Variants in FBXO25 observed in about 807,000 individuals in gnomAD.
FBXO25 encodes the protein F-box only protein 25.
In FBXO25, 45 loss-of-function variants were observed where a neutral mutation model predicts 51.9. The ratio of observed to expected loss-of-function variants is 0.87; its 90% confidence interval spans 0.68 to 1.11. FBXO25 has a LOEUF of 1.11. FBXO25 is among the 50% of genes most tolerant of loss of function. FBXO25 has a pLI of 0.00. For missense variants in FBXO25, 507 were observed against 428.5 expected (o/e 1.18, Z -1.62); for synonymous variants, 199 against 151.0 (o/e 1.32, Z -2.33).
intron 2 of FBXO25, among the ~76,000 whole-genome samples, chr8:423,898 A>T (rs1797309661): frequency 6.6e-6 from 1 of 152,232 alleles, no homozygotes; most frequent in Non-Finnish European, 1.5e-5. Context: ...GGACTGATTT[A>T]CATTCCCGTC....
chr8:414,688 C>T (rs928466427), intron 2 of FBXO25, among the ~76,000 whole-genome samples: 1 of 152,172 alleles, frequency 6.6e-6, no homozygotes, highest in Non-Finnish European at 1.5e-5. Context: ...GTCTCCCTTT[C>T]CCCTTCGCCC....
chr8:436,832 C>T (rs1183704026), intron 5 of FBXO25, among the ~76,000 whole-genome samples: 2 of 152,150 alleles, frequency 1.3e-5, no homozygotes, highest in African/African-American at 4.8e-5. Context: ...AGTAGCAATT[C>T]TTGACCATCT....
chr8:444,433 GA>G (rs550669852), intron 5 of FBXO25, among the ~76,000 whole-genome samples: 174 of 152,226 alleles, frequency 1.1e-3, no homozygotes, highest in Admixed American at 2.4e-3. Flanking sequence ...AACTTTATTG[GA>G]TTCTAGTTTT....
At chr8:441,837 A>G (rs528875393) in intron 5 of FBXO25, among the ~76,000 whole-genome samples, 4 of 152,238 alleles carry the variant, frequency 2.6e-5, no homozygotes, top group Non-Finnish European at 4.4e-5. Flanking sequence ...TAGGATGGCT[A>G]TCATTAAAAA....
chr8:447,071 C>T (rs1245989395), intron 5 of FBXO25, among the ~76,000 whole-genome samples: 1 of 152,226 alleles, frequency 6.6e-6, no homozygotes, highest in Non-Finnish European at 1.5e-5. Context: ...AACAAAAGCA[C>T]TCGTCAGGGC....
intron 5 of FBXO25, among the ~76,000 whole-genome samples, chr8:446,759 T>G (rs185003084): frequency 6.6e-6 from 1 of 152,218 alleles, no homozygotes; most frequent in African/African-American, 2.4e-5. Context: ...TGTGTTTTAG[T>G]GTAAGATATT....
intron 6 of FBXO25, 160 bp from the exon 7 acceptor site, chr8:451,109 T>G (rs1027751590): frequency 8.4e-6 from 5 of 595,194 alleles, no homozygotes; most frequent in African/African-American, 3.8e-5. Context: ...GTGTGAGAAT[T>G]TCCCTCCTTT....
At position 418,333 on chromosome 8, in the gene FBXO25, C is replaced by CTTTTTTTTTTTTTTTTTTTTTTTTT. The variant is rs1207244013; in HGVS notation, c.134+5144_134+5145insTTTTTTTTTTTTTTTTTTTTTTTTT. Among the ~76,000 whole-genome samples the CTTTTTTTTTTTTTTTTTTTTTTTTT allele has an allele frequency of 9.5e-4, 69 of 72,334 alleles. 1 individual carries two copies. Among genetic ancestry groups the CTTTTTTTTTTTTTTTTTTTTTTTTT allele is most frequent in the Non-Finnish European group, 1.2e-3 (48 of 39,942 alleles). The allele number at this position is 72,334 out of a possible 152,430, so 47.5% of individuals were successfully genotyped here. A position where few individuals can be genotyped will look rare whatever the true frequency, so the allele number is the denominator to read the frequency against. On this transcript the variant is annotated intron_variant, in intron 2 of 9. Coordinates refer to ENST00000350302, the MANE Select transcript of FBXO25 (RefSeq NM_183420.2). ...CCTTTCTTTTGTTCGTTTGTTTGTT[C>CTTTTTTTTTTTTTTTTTTTTTTTTT]TTTTTTTTTTTTTTTTTTTTTTTTG...
rs146812586 is a variant in FBXO25, at chr8:456,956, G to A, written c.661-1413G>A. Among the ~76,000 whole-genome samples the A allele has an allele frequency of 1.5e-3, 223 of 152,336 alleles. 1 individual carries two copies. The highest frequency in any genetic ancestry group is 4.8e-3 in the African/African-American group (199 of 41,572). On this transcript the variant is annotated intron_variant, in intron 7 of 9. Transcript: ENST00000350302. ...ACGCTCCACTCTCCACAGAGGTCAGGTGATTTTGAGAACCAAACTCATGGA... is the reference window on the plus strand; with the variant it reads ...ACGCTCCACTCTCCACAGAGGTCAGATGATTTTGAGAACCAAACTCATGGA...
At chr8:459,011 G>C (rs1474686231) in intron 8 of FBXO25, among the ~76,000 whole-genome samples, 1 of 152,158 alleles carries the variant, frequency 6.6e-6, no homozygotes, top group Non-Finnish European at 1.5e-5. Context: ...TGCTGCACTT[G>C]GGAGTGCACG....
chr8:423,394 T>A (rs1229141158), intron 2 of FBXO25, among the ~76,000 whole-genome samples: 1 of 152,190 alleles, frequency 6.6e-6, no homozygotes, highest in Non-Finnish European at 1.5e-5. Context: ...ACAGATCCTG[T>A]CACCTCGTTA....
At chr8:449,280 C>T (rs1323380786) in intron 5 of FBXO25, among the ~76,000 whole-genome samples, 1 of 152,200 alleles carries the variant, frequency 6.6e-6, no homozygotes, top group Admixed American at 6.5e-5. Flanking sequence ...TGATGCACAT[C>T]AGAGTAGGGG....
In FBXO25 at chr8:471,560, TCG is replaced by T. The variant is rs1283179837; in HGVS notation, c.*2758_*2759del. On this transcript the variant is annotated 3_prime_UTR_variant, in exon 10 of 10. Coordinates refer to ENST00000350302, the MANE Select transcript of FBXO25 (RefSeq NM_183420.2). ...CCAGGTAGTAAGTTTCACTTGCCCA[TCG>T]CTCCTGTGAAAGGCAATGCCAGACA... The T allele has an allele frequency of 6.6e-6, 1 of 152,190 alleles. No homozygotes were observed. Among genetic ancestry groups the T allele is most frequent in the Non-Finnish European group, 1.5e-5 (1 of 68,040 alleles). The allele number at this position is 152,190 out of a possible 1,614,324, so 9.4% of individuals were successfully genotyped here. A position where few individuals can be genotyped will look rare whatever the true frequency, so the allele number is the denominator to read the frequency against.
At chr8:463,741 G>C (rs1354257489) in intron 9 of FBXO25, among the ~76,000 whole-genome samples, 1 of 152,084 alleles carries the variant, frequency 6.6e-6, no homozygotes, top group African/African-American at 2.4e-5. Flanking sequence ...GTTACTTCCT[G>C]TTCTCACCAT....
At chr8:458,606 G>C in intron 8 of FBXO25, 55 bp downstream of exon 8, 1 of 1,557,772 alleles carries the variant, frequency 6.4e-7, no homozygotes, top group Non-Finnish European at 8.8e-7. Flanking sequence ...ACTCTGCCTG[G>C]GGGCCATACC....
At chr8:467,467 G>T (rs76235298) in intron 9 of FBXO25, among the ~76,000 whole-genome samples, 1 of 152,278 alleles carries the variant, frequency 6.6e-6, no homozygotes, top group African/African-American at 2.4e-5. Flanking sequence ...AAGACTTAAA[G>T]GTAGAGATAT....
At chr8:462,153 G>A (rs942621151) in intron 8 of FBXO25, among the ~76,000 whole-genome samples, 1 of 152,162 alleles carries the variant, frequency 6.6e-6, no homozygotes, top group African/African-American at 2.4e-5. Context: ...CCTCCCCAGT[G>A]CTTCTCATTA....
At chr8:459,890 C>T (rs1413494483) in intron 8 of FBXO25, among the ~76,000 whole-genome samples, 1 of 152,126 alleles carries the variant, frequency 6.6e-6, no homozygotes, top group East Asian at 1.9e-4. Context: ...CAAAGAAAAG[C>T]CTGTGAGATT....
At chr8:437,033 A>G (rs922441652) in intron 5 of FBXO25, among the ~76,000 whole-genome samples, 5 of 151,866 alleles carry the variant, frequency 3.3e-5, no homozygotes, top group African/African-American at 1.2e-4. Context: ...CCAGCATTTT[A>G]TCAGTTTCAG....
Sources: gnomAD v4.1 joint callset for allele counts (sites outside exome capture counted in the v4.1 genomes callset) on GRCh38, gnomAD v4.1.1 for gene constraint, MANE v1.5 for transcripts, NCBI Gene and HGNC (gene_info 2026-07-23, HGNC 2026-07-21) for gene names.